Variants in BRF1 observed in about 807,000 individuals in gnomAD.
The protein encoded by BRF1 is BRF1 general transcription factor IIIB subunit.
BRF1 carries 59 observed loss-of-function variants against 81.7 expected under a neutral mutation model. The ratio of observed to expected loss-of-function variants is 0.72; its 90% confidence interval spans 0.59 to 0.90. BRF1 has a LOEUF of 0.90. Ranked by LOEUF, BRF1 falls within the 40% of genes least tolerant of loss-of-function variation. The pLI is 0.00. For missense variants in BRF1, 1,050 were observed against 936.3 expected (o/e 1.12, Z -1.58); for synonymous variants, 491 against 395.6 (o/e 1.24, Z -2.86).
chr14:105,249,296 C>T (rs1226382054), intron 5 of BRF1: 1 of 1,575,790 alleles, frequency 6.3e-7, no homozygotes, highest in Non-Finnish European at 8.6e-7. Context: ...CCGCCCCGTC[C>T]GCCGTGTGGC....
chr14:105,309,037 C>T lies in BRF1; in HGVS notation c.-162+6285G>A, dbSNP rs2058273097. 6.6e-6 allele frequency among the ~76,000 whole-genome samples: 1 copy of T among 152,140 alleles called. No homozygotes were observed. Among genetic ancestry groups the T allele is most frequent in the Non-Finnish European group, 1.5e-5 (1 of 68,030 alleles). ...CTAACAAAACCAGAAATCCATCCTGCACGAAGAGCACTGAGGTTGAGTGTT... is the reference window on the plus strand; with the variant it reads ...CTAACAAAACCAGAAATCCATCCTGTACGAAGAGCACTGAGGTTGAGTGTT... On this transcript the variant is annotated intron_variant, in intron 1 of 17. Transcript: ENST00000327359. The surrounding 1 kb of genome is among the most constrained non-coding windows in gnomAD (Gnocchi z 4.0).
intron 2 of BRF1, among the ~76,000 whole-genome samples, 184 bp downstream of exon 2, chr14:105,286,112 G>A (rs587613063): frequency 2.4e-4 from 37 of 152,362 alleles, no homozygotes; most frequent in African/African-American, 8.2e-4. Context: ...AGAGTCTGCA[G>A]GACACCCAGG....
At chr14:105,246,857 G>A (rs2055149550) in intron 5 of BRF1, 3 of 985,442 alleles carry the variant, frequency 3.0e-6, no homozygotes, top group African/African-American at 3.5e-5. Context: ...AGATCAAGAC[G>A]CTGACTACCT....
In BRF1 at chr14:105,209,443, C is replaced by T; in HGVS notation, c.*1108G>A. On this transcript the variant is annotated 3_prime_UTR_variant, in exon 18 of 18. Transcript: ENST00000547530. ...GCCAAGTTGGGGCAGGACATACAGCCCATTCCATGGGGAGGATGAGGCCCC... is the reference window on the plus strand; with the variant it reads ...GCCAAGTTGGGGCAGGACATACAGCTCATTCCATGGGGAGGATGAGGCCCC... 5.8e-6 allele frequency: 4 copies of T among 695,274 alleles called. No individual in the cohort carries two copies. Among genetic ancestry groups the T allele is most frequent in the South Asian group, 1.5e-5 (1 of 66,452 alleles). 43.1% of individuals were successfully genotyped at this position (695,274 alleles called of 1,614,324 possible).
In BRF1 at chr14:105,209,783, C is replaced by T. The variant is rs938920842; in HGVS notation, c.*768G>A. 46 of 533,182 alleles carry T rather than the reference C, an allele frequency of 8.6e-5. No individual in the cohort carries two copies. Among genetic ancestry groups the T allele is most frequent in the African/African-American group, 4.4e-4 (22 of 50,528 alleles). 33.0% of individuals were successfully genotyped at this position (533,182 alleles called of 1,614,324 possible). A position where few individuals can be genotyped will look rare whatever the true frequency, so the allele number is the denominator to read the frequency against. ...CAGAGCTATGCTCAGGACGGGTGGG[C>T]GCCGGTCTCAGCTGTCGGGCACTCA... On this transcript the variant is annotated 3_prime_UTR_variant, in exon 18 of 18. Transcript: ENST00000547530.
chr14:105,288,487 T>C (rs1028551666), intron 1 of BRF1, among the ~76,000 whole-genome samples: 4 of 149,340 alleles, frequency 2.7e-5, no homozygotes, highest in African/African-American at 9.9e-5. Flanking sequence ...TAAAATAAAG[T>C]AAAAAAGAAG....
At chr14:105,313,681 C>G (rs1200988243) in intron 1 of BRF1, among the ~76,000 whole-genome samples, 4 of 152,226 alleles carry the variant, frequency 2.6e-5, no homozygotes, top group African/African-American at 9.6e-5. Context: ...TTTGCTCGGG[C>G]TGGATTTGTT....
chr14:105,246,046 A>T (rs925122715), intron 5 of BRF1, among the ~76,000 whole-genome samples: 3 of 152,222 alleles, frequency 2.0e-5, no homozygotes, highest in African/African-American at 7.2e-5. Flanking sequence ...GCCTGAATAT[A>T]CAAAAAACTC....
chr14:105,241,435 C>G (rs2054629681), intron 5 of BRF1, 21 bp from the exon 6 acceptor site: 2 of 1,608,656 alleles, frequency 1.2e-6, no homozygotes, highest in African/African-American at 2.7e-5. Flanking sequence ...CACAGCACCT[C>G]AGTGCCCACC....
intron 1 of BRF1, among the ~76,000 whole-genome samples, chr14:105,297,169 C>A (rs978793252): frequency 6.6e-6 from 1 of 151,948 alleles, no homozygotes; most frequent in African/African-American, 2.4e-5. Flanking sequence ...AAAAAAAAGT[C>A]CAGAAGCTGT....
chr14:105,228,479 G>A (rs888956620), intron 7 of BRF1, among the ~76,000 whole-genome samples: 3 of 151,820 alleles, frequency 2.0e-5, no homozygotes, highest in Non-Finnish European at 4.4e-5. Context: ...GGGAGGCAGA[G>A]GTTACAGTGA....
chr14:105,222,108 C>G (rs1595284513), intron 10 of BRF1, 194 bp from the exon 11 acceptor site: 1 of 600,954 alleles, frequency 1.7e-6, no homozygotes, highest in African/African-American at 1.9e-5. Flanking sequence ...CAAAGCAGAT[C>G]ACAGACCTAG....
intron 5 of BRF1, among the ~76,000 whole-genome samples, chr14:105,251,430 G>A (rs947946831): frequency 3.3e-5 from 5 of 152,194 alleles, no homozygotes; most frequent in African/African-American, 1.2e-4. Context: ...ACACTGCTGC[G>A]GGACAGCCTG....
chr14:105,270,609 G>A (rs2056615182), intron 3 of BRF1, among the ~76,000 whole-genome samples: 1 of 151,826 alleles, frequency 6.6e-6, no homozygotes, highest in Non-Finnish European at 1.5e-5. Context: ...GCCAACATGG[G>A]GAAACCCCAT....
At chr14:105,243,275 T>C (rs779590345) in intron 5 of BRF1, among the ~76,000 whole-genome samples, 1 of 139,186 alleles carries the variant, frequency 7.2e-6, no homozygotes, top group Non-Finnish European at 1.6e-5. Flanking sequence ...ACCCAGTCTT[T>C]ACTAAAATAC....
intron 5 of BRF1, chr14:105,249,922 C>T (rs1566835461): frequency 6.2e-7 from 1 of 1,611,440 alleles, no homozygotes; most frequent in South Asian, 1.1e-5. Flanking sequence ...AGATCATTGT[C>T]ACTCGGGAGG....
At chr14:105,288,352 T>A (rs1566867849) in intron 1 of BRF1, among the ~76,000 whole-genome samples, 3 of 151,874 alleles carry the variant, frequency 2.0e-5, no homozygotes, top group Admixed American at 1.3e-4. Flanking sequence ...CTCAGGAGGC[T>A]GAGGCAGGAG....
chr14:105,264,010 C>T (rs752463657), intron 3 of BRF1, among the ~76,000 whole-genome samples: 7 of 151,482 alleles, frequency 4.6e-5, no homozygotes, highest in South Asian at 2.1e-4. Context: ...AATATTCCAG[C>T]GATTCAATGA....
chr14:105,249,831 G>A (rs1350081121), intron 5 of BRF1: 13 of 1,613,434 alleles, frequency 8.1e-6, no homozygotes, highest in South Asian at 5.5e-5. Flanking sequence ...CTGACGCAGC[G>A]CTGCTGGGAG....
Sources: allele counts gnomAD v4.1 joint callset (sites outside exome capture counted in the v4.1 genomes callset), GRCh38; gene constraint gnomAD v4.1.1; non-coding constraint Gnocchi (gnomAD v3.1); transcripts MANE v1.5; gene names NCBI Gene and HGNC (gene_info 2026-07-23, HGNC 2026-07-21).